The following CDK19 variants were observed in gnomAD, a reference collection of about 807,000 sequenced individuals.
The protein encoded by CDK19 is cyclin-dependent kinase 19.
In CDK19, 20 loss-of-function variants were observed where a neutral mutation model predicts 68.3. The observed-to-expected ratio is 0.29, with a 90% CI of 0.21 to 0.43. The LOEUF is 0.43. CDK19 is among the 20% of genes least tolerant of loss of function. The probability of loss-of-function intolerance (pLI) is 1.00; values close to 1 mark genes in which losing one functional copy is unlikely to be tolerated. For synonymous variants in CDK19, 221 were observed against 222.8 expected (o/e 0.99, Z 0.07); for missense variants, 339 against 623.5 (o/e 0.54, Z 4.86).
intron 2 of CDK19, among the ~76,000 whole-genome samples, chr6:110,715,349 C>A (rs1775288367): frequency 6.6e-6 from 1 of 152,112 alleles, no homozygotes; most frequent in South Asian, 2.1e-4. Context: ...TAAACTAAAC[C>A]AACATTTTCT....
intron 9 of CDK19, 68 bp from the exon 10 acceptor site, chr6:110,622,980 G>A: frequency 1.1e-6 from 1 of 928,972 alleles, no homozygotes; most frequent in Non-Finnish European, 1.8e-6. Context: ...CTTGTCTTTT[G>A]TATTACTGTG....
intron 2 of CDK19, among the ~76,000 whole-genome samples, chr6:110,725,862 A>G (rs1776280023): frequency 6.6e-6 from 1 of 152,250 alleles, no homozygotes; most frequent in Admixed American, 6.5e-5. Context: ...CACTTTATTT[A>G]CATCAAAGTG....
intron 2 of CDK19, among the ~76,000 whole-genome samples, chr6:110,677,758 G>A (rs1296969645): frequency 2.0e-5 from 3 of 152,144 alleles, no homozygotes; most frequent in Middle Eastern, 3.4e-3. Flanking sequence ...TTATATTAGA[G>A]TATCTTTCAA....
At position 110,746,204 on chromosome 6, in the gene CDK19, G is replaced by T; in HGVS notation, c.129-3C>A. The T allele has an allele frequency of 1.3e-6, 2 of 1,571,020 alleles. No individual in the cohort carries two copies. The highest frequency in any genetic ancestry group is 1.7e-6 in the Non-Finnish European group (2 of 1,154,116). ...ATGCATATTCCTTTTCATCTTTTCT[G>T]CACATAAACAAAAAAACATCATTTT... On this transcript the variant is annotated splice_region_variant and splice_polypyrimidine_tract_variant and intron_variant, in intron 1 of 12. Transcript: ENST00000368911.
intron 2 of CDK19, among the ~76,000 whole-genome samples, chr6:110,688,998 C>T (rs1282150614): frequency 6.6e-6 from 1 of 152,112 alleles, no homozygotes; most frequent in Non-Finnish European, 1.5e-5. Context: ...CCAGGTAAGG[C>T]TTATACCCTG....
chr6:110,690,904 T>C (rs1178218394), intron 2 of CDK19, among the ~76,000 whole-genome samples: 1 of 152,082 alleles, frequency 6.6e-6, no homozygotes, highest in Non-Finnish European at 1.5e-5. Context: ...CAAGAATAAT[T>C]AGGAAAGATA....
chr6:110,793,964 A>G (rs1781760855), intron 1 of CDK19, among the ~76,000 whole-genome samples: 1 of 152,200 alleles, frequency 6.6e-6, no homozygotes, highest in Non-Finnish European at 1.5e-5. Flanking sequence ...TATTTGTACA[A>G]TATTGGTTTT....
chr6:110,714,488 A>T (rs1562224826), intron 2 of CDK19, among the ~76,000 whole-genome samples: 1 of 152,184 alleles, frequency 6.6e-6, no homozygotes, highest in Non-Finnish European at 1.5e-5. Flanking sequence ...AATGTTTTCT[A>T]TAGTGGCTGT....
intron 4 of CDK19, among the ~76,000 whole-genome samples, chr6:110,650,156 C>T (rs973093505): frequency 3.9e-5 from 6 of 152,108 alleles, no homozygotes; most frequent in African/African-American, 1.4e-4. Context: ...AACAGGATGC[C>T]ATTTCATAAA....
chr6:110,781,511 C>T (rs749050117), intron 1 of CDK19, among the ~76,000 whole-genome samples: 3 of 152,038 alleles, frequency 2.0e-5, no homozygotes, highest in Non-Finnish European at 2.9e-5. Flanking sequence ...GTTGCCTGTT[C>T]CCAGGAATAA....
intron 2 of CDK19, among the ~76,000 whole-genome samples, chr6:110,672,527 A>G (rs1240619996): frequency 6.6e-6 from 1 of 152,248 alleles, no homozygotes; most frequent in Non-Finnish European, 1.5e-5. Context: ...AAATCAAAGT[A>G]TATACAAGGT....
intron 3 of CDK19, 115 bp from the exon 4 acceptor site, chr6:110,667,689 T>A: frequency 2.0e-6 from 1 of 499,910 alleles, no homozygotes; most frequent in South Asian, 4.9e-5. Context: ...TAAAGGCCAA[T>A]AATGACACAA....
intron 1 of CDK19, among the ~76,000 whole-genome samples, chr6:110,776,173 A>G (rs1157449884): frequency 6.6e-6 from 1 of 152,214 alleles, no homozygotes; most frequent in African/African-American, 2.4e-5. Context: ...TCATGCCTGT[A>G]ATCCCAGCAT....
intron 2 of CDK19, among the ~76,000 whole-genome samples, chr6:110,681,335 G>A (rs1301306919): frequency 6.6e-6 from 1 of 152,174 alleles, no homozygotes; most frequent in Non-Finnish European, 1.5e-5. Flanking sequence ...ACCAGAGTGA[G>A]ACTCTGTCTC....
intron 4 of CDK19, among the ~76,000 whole-genome samples, chr6:110,655,375 A>T (rs12207385): frequency 0.087 from 13,157 of 151,942 alleles, 596 homozygotes; most frequent in Middle Eastern, 0.14. Flanking sequence ...CAAAAAAAAA[A>T]AAATAAATAA....
At chr6:110,620,496 C>T (rs915490199) in intron 12 of CDK19, among the ~76,000 whole-genome samples, 2 of 152,086 alleles carry the variant, frequency 1.3e-5, no homozygotes, top group Admixed American at 6.5e-5. Flanking sequence ...ATGGTTATCA[C>T]AATGGGTATT....
Position 110,623,835 on chromosome 6 carries a change from T to C in CDK19, c.861-473A>G, listed in dbSNP as rs1562129980. Among the ~76,000 whole-genome samples the C allele has an allele frequency of 2.0e-5, 3 of 147,334 alleles. No homozygotes were observed. The South Asian group carries it at 6.3e-4, about 31-fold the overall frequency. On this transcript the variant is annotated intron_variant, in intron 8 of 12. Transcript: ENST00000368911. ...ATATATACACATACATATACACATA[T>C]ATATACACATATATACATATATATA...
intron 1 of CDK19, among the ~76,000 whole-genome samples, chr6:110,759,449 AT>A (rs1179908453): frequency 1.6e-4 from 22 of 137,694 alleles, no homozygotes; most frequent in African/African-American, 6.1e-4. Flanking sequence ...ATATATATAT[AT>A]AAATTAGCCA....
intron 2 of CDK19, among the ~76,000 whole-genome samples, chr6:110,692,520 G>A (rs1773094327): frequency 6.6e-6 from 1 of 152,128 alleles, no homozygotes; most frequent in African/African-American, 2.4e-5. Flanking sequence ...AATAACTGGT[G>A]TTCCTGAGGG....
Sources: allele counts gnomAD v4.1 joint callset (sites outside exome capture counted in the v4.1 genomes callset), GRCh38; gene constraint gnomAD v4.1.1; transcripts MANE v1.5; gene names NCBI Gene and HGNC (gene_info 2026-07-23, HGNC 2026-07-21).